SOX5: variants seen among roughly 807,000 people sequenced by gnomAD.
SOX5 encodes the protein SRY-box transcription factor 5, also known as transcription factor SOX-5.
A neutral mutation model predicts 92.0 loss-of-function variants in SOX5; 9 were observed. The ratio of observed to expected loss-of-function variants is 0.10; its 90% confidence interval spans 0.06 to 0.17. SOX5 has a LOEUF of 0.17. SOX5 is among the 10% of genes least tolerant of loss of function. The pLI is 1.00. For synonymous variants in SOX5, 344 were observed against 336.3 expected, an observed-to-expected ratio of 1.02 and a Z score of -0.25; for missense variants, 642 against 944.5, an observed-to-expected ratio of 0.68 and a Z score of 4.20.
chr12:24,335,204 C>G (rs958732160), intron 2 of SOX5, among the ~76,000 whole-genome samples: 1 of 152,096 alleles, frequency 6.6e-6, no homozygotes, highest in African/African-American at 2.4e-5. Context: ...TGACCTCTCT[C>G]AACAAACCTG....
At chr12:24,425,561 T>C (rs773443680) in intron 1 of SOX5, among the ~76,000 whole-genome samples, 6 of 152,246 alleles carry the variant, frequency 3.9e-5, no homozygotes, top group Non-Finnish European at 8.8e-5. Context: ...GGGTACTGAC[T>C]GCACTTTGTA....
chr12:24,330,287 A>T (rs562570891), intron 2 of SOX5, among the ~76,000 whole-genome samples: 1 of 152,238 alleles, frequency 6.6e-6, no homozygotes, highest in Non-Finnish European at 1.5e-5. Flanking sequence ...AGGTTGGCTT[A>T]AGAAACAAAT....
chr12:24,207,999 C>G (rs1365457902), intron 4 of SOX5, among the ~76,000 whole-genome samples: 1 of 152,108 alleles, frequency 6.6e-6, no homozygotes, highest in Admixed American at 6.5e-5. Context: ...AAACAAACTG[C>G]TTTTTGTGAT....
intron 1 of SOX5, among the ~76,000 whole-genome samples, chr12:24,479,055 C>G (rs1177366843): frequency 6.6e-6 from 1 of 152,180 alleles, no homozygotes; most frequent in Non-Finnish European, 1.5e-5. Flanking sequence ...TTTAACCTAG[C>G]CAATCTGAAC....
chr12:24,391,357 G>C (rs975002758), intron 1 of SOX5, among the ~76,000 whole-genome samples: 2 of 152,034 alleles, frequency 1.3e-5, no homozygotes, highest in Non-Finnish European at 2.9e-5. Context: ...CAAACTTCCT[G>C]AACACCAAAT....
intron 1 of SOX5, among the ~76,000 whole-genome samples, chr12:23,921,489 C>A (rs1216306788): frequency 1.3e-5 from 2 of 152,008 alleles, no homozygotes; most frequent in Admixed American, 6.6e-5. Flanking sequence ...TGTTTTTACA[C>A]ATGAAGCTGA....
intron 14 of SOX5, among the ~76,000 whole-genome samples, chr12:23,536,190 T>C (rs1471868613): frequency 6.6e-6 from 1 of 152,236 alleles, no homozygotes; most frequent in Non-Finnish European, 1.5e-5. Context: ...AAGTTTTTAA[T>C]AGAAAACTTC....
chr12:24,077,826 T>G (rs1592945382), intron 4 of SOX5, among the ~76,000 whole-genome samples: 1 of 144,170 alleles, frequency 6.9e-6, no homozygotes, highest in Admixed American at 7.0e-5. Flanking sequence ...TGAAGACAAA[T>G]CTCAGTTTTG....
intron 1 of SOX5, among the ~76,000 whole-genome samples, chr12:23,947,718 T>C (rs1345874022): frequency 6.6e-6 from 1 of 150,792 alleles, no homozygotes; most frequent in African/African-American, 2.4e-5. Context: ...AAAAATGAAA[T>C]TCCCACCAGG....
chr12:24,269,974 C>T (rs1436174690), intron 3 of SOX5, among the ~76,000 whole-genome samples: 1 of 151,630 alleles, frequency 6.6e-6, no homozygotes, highest in Admixed American at 6.6e-5. Flanking sequence ...CATGAGCCAC[C>T]ATGCCCAGCC....
intron 1 of SOX5, among the ~76,000 whole-genome samples, chr12:24,414,399 G>C (rs1246700402): frequency 1.3e-5 from 2 of 152,204 alleles, no homozygotes; most frequent in African/African-American, 4.8e-5. Flanking sequence ...TCCTAGTCAA[G>C]TTCATGTATT....
At chr12:23,719,670 T>C (rs1397006953) in intron 6 of SOX5, among the ~76,000 whole-genome samples, 1 of 151,412 alleles carries the variant, frequency 6.6e-6, no homozygotes, top group Non-Finnish European at 1.5e-5. Context: ...GGTGGGACAA[T>C]TGCTTGAGCC....
chr12:24,349,613 C>A (rs933019025), intron 2 of SOX5, among the ~76,000 whole-genome samples: 2 of 152,164 alleles, frequency 1.3e-5, no homozygotes, highest in Admixed American at 6.5e-5. Flanking sequence ...GTCAGAATTT[C>A]CTTCCTTTTT....
intron 2 of SOX5, among the ~76,000 whole-genome samples, chr12:24,287,370 C>A (rs1946005440): frequency 6.6e-6 from 1 of 152,116 alleles, no homozygotes; most frequent in Non-Finnish European, 1.5e-5. Flanking sequence ...AATCTCTACT[C>A]AATTTACAGA....
At chr12:24,442,979 G>A (rs1940884576) in intron 1 of SOX5, among the ~76,000 whole-genome samples, 1 of 123,304 alleles carries the variant, frequency 8.1e-6, no homozygotes, top group Non-Finnish European at 1.6e-5. Flanking sequence ...TTGAGATGGA[G>A]TCTTGCTCTG....
At chr12:23,816,491 C>T (rs1368032142) in intron 3 of SOX5, among the ~76,000 whole-genome samples, 1 of 152,008 alleles carries the variant, frequency 6.6e-6, no homozygotes, top group Non-Finnish European at 1.5e-5. Context: ...AGCCACTGCG[C>T]CTAGCCAGGA....
chr12:24,027,537 C>T (rs1174201079), intron 4 of SOX5, among the ~76,000 whole-genome samples: 2 of 151,968 alleles, frequency 1.3e-5, no homozygotes, highest in Non-Finnish European at 2.9e-5. Context: ...GCCATGCCCA[C>T]ATCACTCCAC....
intron 2 of SOX5, among the ~76,000 whole-genome samples, chr12:24,308,500 C>A (rs924193163): frequency 1.3e-5 from 2 of 152,178 alleles, no homozygotes; most frequent in Non-Finnish European, 2.9e-5. Flanking sequence ...CAGGCAAATT[C>A]TTTCTTCTGA....
chr12:24,549,138 TG>T (rs1952921789), intron 1 of SOX5, among the ~76,000 whole-genome samples: 1 of 152,236 alleles, frequency 6.6e-6, no homozygotes, highest in Admixed American at 6.5e-5. Context: ...CTTTAAAATG[TG>T]ACATTTTCAT....
Sources: gnomAD v4.1 joint callset for allele counts (sites outside exome capture counted in the v4.1 genomes callset) on GRCh38, gnomAD v4.1.1 for gene constraint, MANE v1.5 for transcripts, NCBI Gene and HGNC (gene_info 2026-07-23, HGNC 2026-07-21) for gene names.